GLI3: variants seen among roughly 807,000 people sequenced by gnomAD.
The protein encoded by GLI3 is GLI family zinc finger 3.
Under a neutral mutation model 100.8 loss-of-function variants are expected in GLI3, and 20 were observed. The observed-to-expected ratio is 0.20, with a 90% CI of 0.14 to 0.29. GLI3 has a LOEUF of 0.29. Among genes scored for constraint, GLI3 ranks in the 10% least tolerant of loss-of-function variants. The pLI, the probability that GLI3 is intolerant of heterozygous loss-of-function variation, is 1.00. For synonymous variants in GLI3, 938 were observed against 860.5 expected, an observed-to-expected ratio of 1.09 and a Z score of -1.58; for missense variants, 2,040 against 2,128.5, an observed-to-expected ratio of 0.96 and a Z score of 0.82.
At chr7:42,182,839 G>A (rs544242526) in intron 2 of GLI3, among the ~76,000 whole-genome samples, 17 of 151,598 alleles carry the variant, frequency 1.1e-4, no homozygotes, top group African/African-American at 2.9e-4. Context: ...TTGAGAGGCC[G>A]AAGTGGGCAA....
Position 41,967,777 on chromosome 7 carries a change from C to G in GLI3, c.2250G>C (p.Met750Ile), listed in dbSNP as rs765034545. ...DLSAIDETPIMDSTISTATTA... is the reference protein window; with the variant it reads ...DLSAIDETPIIDSTISTATTA... ...TGGTTGCAGTGGAAATGGTTGAGTC[C>G]ATGATTGGGGTTTCATCGATGGCAC... The change falls in exon 14 of 15, where the codon ATG (methionine) becomes ATC (isoleucine). Residue 750 changes from methionine to isoleucine, a missense_variant. Physicochemically the swap from Met to Ile is conservative, Grantham distance 10 (BLOSUM62 1). This residue lies in a region of GLI3 where 327 missense variants were observed against 338.7 expected (regional missense o/e 0.97). Coordinates refer to ENST00000395925, the MANE Select transcript of GLI3 (RefSeq NM_000168.6). 1 of 1,614,172 alleles carries G rather than the reference C, an allele frequency of 6.2e-7. No individual in the cohort carries two copies. Among genetic ancestry groups the G allele is most frequent in the Non-Finnish European group, 8.5e-7 (1 of 1,180,042 alleles).
intron 1 of GLI3, among the ~76,000 whole-genome samples, chr7:42,227,397 T>A (rs182227087): frequency 7.2e-5 from 11 of 151,958 alleles, no homozygotes; most frequent in Admixed American, 5.9e-4. Context: ...GTTTCATAGG[T>A]AAAAGGAGGG....
At chr7:42,206,844 T>G (rs963613655) in intron 2 of GLI3, among the ~76,000 whole-genome samples, 5 of 152,138 alleles carry the variant, frequency 3.3e-5, no homozygotes, top group Admixed American at 1.3e-4. Context: ...ATAGAAAAAC[T>G]GGTAAACAAT....
chr7:42,145,460 G>T (rs182697684), intron 3 of GLI3: 2 of 397,730 alleles, frequency 5.0e-6, no homozygotes, highest in East Asian at 7.1e-5. Flanking sequence ...AGTTATAGTC[G>T]ATCTACTGAG....
chr7:42,052,153 T>C (rs1447121616), intron 4 of GLI3, among the ~76,000 whole-genome samples: 3 of 152,250 alleles, frequency 2.0e-5, no homozygotes, highest in Admixed American at 2.0e-4. Context: ...AAAGTTCATT[T>C]CCTTTTAGCA....
intron 3 of GLI3, among the ~76,000 whole-genome samples, chr7:42,078,930 C>T (rs1041603985): frequency 2.0e-5 from 3 of 152,128 alleles, no homozygotes; most frequent in Admixed American, 2.0e-4. Flanking sequence ...AGGCTTTCAC[C>T]GTGTTAGCCA....
At chr7:42,005,698 C>T (rs942466002) in intron 10 of GLI3, among the ~76,000 whole-genome samples, 2 of 152,082 alleles carry the variant, frequency 1.3e-5, no homozygotes, top group Non-Finnish European at 2.9e-5. Context: ...AACCACTGCC[C>T]GACGTGGGAA....
intron 6 of GLI3, among the ~76,000 whole-genome samples, chr7:42,041,627 C>T (rs1331677607): frequency 1.3e-5 from 2 of 152,000 alleles, no homozygotes; most frequent in African/African-American, 4.8e-5. Flanking sequence ...ACTGAAGTAG[C>T]AGGTAATCTT....
At chr7:42,148,157 A>T in intron 3 of GLI3, 69 bp downstream of exon 3, 1 of 1,491,388 alleles carries the variant, frequency 6.7e-7, no homozygotes, top group Non-Finnish European at 9.1e-7. Flanking sequence ...ACACACACAC[A>T]CACACACACA....
intron 2 of GLI3, among the ~76,000 whole-genome samples, chr7:42,207,332 A>G (rs1788176578): frequency 6.6e-6 from 1 of 152,198 alleles, no homozygotes; most frequent in African/African-American, 2.4e-5. Context: ...TGGTGTGTTC[A>G]TTTTGAGAAA....
At chr7:42,014,898 C>T (rs1394860232) in intron 10 of GLI3, among the ~76,000 whole-genome samples, 2 of 152,338 alleles carry the variant, frequency 1.3e-5, no homozygotes, top group East Asian at 3.9e-4. Context: ...CGAGCCTGTG[C>T]AACTGAAATC....
intron 10 of GLI3, among the ~76,000 whole-genome samples, chr7:41,983,661 A>G (rs1787735069): frequency 6.6e-6 from 1 of 152,220 alleles, no homozygotes; most frequent in South Asian, 2.1e-4. Flanking sequence ...CAGAGGCCCG[A>G]GAGTCAGAAA....
chr7:42,163,547 G>T (rs149092590), intron 2 of GLI3, among the ~76,000 whole-genome samples: 4,186 of 151,804 alleles, frequency 0.028, 207 homozygotes, highest in African/African-American at 0.096. Context: ...TCCTGCCTCA[G>T]CCTCCCGAGT....
At chr7:42,090,585 G>A (rs1042085833) in intron 3 of GLI3, among the ~76,000 whole-genome samples, 3 of 152,134 alleles carry the variant, frequency 2.0e-5, no homozygotes, top group Non-Finnish European at 4.4e-5. Flanking sequence ...GAAGGTTCAG[G>A]TCATGCTTCT....
At chr7:41,999,373 A>G (rs1164028244) in intron 10 of GLI3, among the ~76,000 whole-genome samples, 1 of 152,194 alleles carries the variant, frequency 6.6e-6, no homozygotes, top group Non-Finnish European at 1.5e-5. Flanking sequence ...TCAGAACTCA[A>G]TACTGTCCAC....
chr7:42,208,579 T>A (rs1788202436), intron 2 of GLI3, among the ~76,000 whole-genome samples: 1 of 152,206 alleles, frequency 6.6e-6, no homozygotes, highest in Non-Finnish European at 1.5e-5. Context: ...AGGGGTCTGG[T>A]AATCAAAGTT....
chr7:42,076,031 C>A (rs1784872446), intron 4 of GLI3, among the ~76,000 whole-genome samples: 1 of 152,206 alleles, frequency 6.6e-6, no homozygotes, highest in Admixed American at 6.5e-5. Context: ...AGGCCGTTAG[C>A]AAGGGACAGC....
At chr7:42,055,271 T>C (rs1454759573) in intron 4 of GLI3, among the ~76,000 whole-genome samples, 1 of 152,086 alleles carries the variant, frequency 6.6e-6, no homozygotes. Context: ...AGATAACCTC[T>C]GCCCTAGAAA....
At chr7:42,062,418 C>A (rs569343029) in intron 4 of GLI3, among the ~76,000 whole-genome samples, 2 of 152,200 alleles carry the variant, frequency 1.3e-5, no homozygotes, top group East Asian at 3.9e-4. Flanking sequence ...CCTCTCTGGG[C>A]CACTGTGGTC....
Sources: gnomAD v4.1 joint callset for allele counts (sites outside exome capture counted in the v4.1 genomes callset) on GRCh38, gnomAD v4.1.1 for gene constraint, gnomAD v4.1.1 regional missense constraint, MANE v1.5 for transcripts, NCBI Gene and HGNC (gene_info 2026-07-23, HGNC 2026-07-21) for gene names.